F13B: variants seen among roughly 807,000 people sequenced by gnomAD.
F13B encodes the protein TGase.
F13B carries 58 observed loss-of-function variants against 79.8 expected under a neutral mutation model. The ratio of observed to expected loss-of-function variants is 0.73; its 90% confidence interval spans 0.59 to 0.90. The LOEUF (loss-of-function observed/expected upper bound fraction) is 0.90, where lower values mean the gene tolerates loss of function less well. F13B is among the 40% of genes least tolerant of loss of function. F13B has a pLI of 0.00. For synonymous variants in F13B, 283 were observed against 260.3 expected (o/e 1.09, Z -0.84); for missense variants, 773 against 777.0 (o/e 0.99, Z 0.06).
rs1571568186 is a variant in F13B at position 197,060,535 on chromosome 1, C to T, written c.636G>A (p.Lys212=). ...TTTCAATTAATCTTAAAGAAGAGCA[C>T]TTTAATTCTGCAAATAAAAGAATGA... ...WSLTPKCTKL[K]CSSLRLIENG... Residue 212 remains lysine, a synonymous_variant, in exon 5 of 12, where the codon AAG becomes AAA. Transcript: ENST00000367412. 1.3e-6 allele frequency: 2 copies of T among 1,578,020 alleles called. No homozygotes were observed. Among genetic ancestry groups the T allele is most frequent in the African/African-American group, 1.4e-5 (1 of 73,698 alleles).
chr1:197,063,665 A>C (rs1017771342), intron 1 of F13B, among the ~76,000 whole-genome samples: 1 of 152,176 alleles, frequency 6.6e-6, no homozygotes, highest in Non-Finnish European at 1.5e-5. Context: ...TATGTAATTT[A>C]AAAATTTCTA....
At chr1:197,046,180 G>A (rs1571553174) in intron 10 of F13B, among the ~76,000 whole-genome samples, 1 of 152,174 alleles carries the variant, frequency 6.6e-6, no homozygotes, top group East Asian at 1.9e-4. Flanking sequence ...TCTGTCAAGA[G>A]AAAGAAATAA....
At chr1:197,054,731 C>T (rs1376321114) in intron 8 of F13B, among the ~76,000 whole-genome samples, 2 of 151,766 alleles carry the variant, frequency 1.3e-5, no homozygotes, top group Non-Finnish European at 2.9e-5. Context: ...TGCTTGCCTG[C>T]TTAACAAAAA....
chr1:197,052,335 T>C (rs1655475334), intron 9 of F13B, among the ~76,000 whole-genome samples: 1 of 152,062 alleles, frequency 6.6e-6, no homozygotes, highest in South Asian at 2.1e-4. Flanking sequence ...GAATGTAAAT[T>C]AGTTCAACCA....
chr1:197,061,060 G>A lies in F13B; in HGVS notation c.467C>T (p.Pro156Leu). 6.5e-7 allele frequency: 1 copy of A among 1,539,946 alleles called. No individual in the cohort carries two copies. Among genetic ancestry groups the A allele is most frequent in the Non-Finnish European group, 8.9e-7 (1 of 1,125,694 alleles). The change falls in exon 4 of 12, where the codon CCT (proline) becomes CTT (leucine). Residue 156 changes from proline (P) to leucine (L), a missense_variant. Physicochemically the swap from Pro to Leu is moderately conservative, Grantham distance 98. Transcript: ENST00000367412. ...CRKEHETCLAPELYNGNYSTT... is the reference protein window; with the variant it reads ...CRKEHETCLALELYNGNYSTT... ...GGAATAATTTCCATTATATAATTCA[G>A]GAGCCAAACATGTTTCTAAAATTAT...
At chr1:197,065,439 A>C (rs1249932240) in intron 1 of F13B, among the ~76,000 whole-genome samples, 5 of 152,202 alleles carry the variant, frequency 3.3e-5, no homozygotes, top group Admixed American at 6.5e-5. Context: ...AGCGATGGAC[A>C]CACTTACTAC....
chr1:197,055,849 A>G lies in F13B; in HGVS notation c.1220T>C (p.Val407Ala). 2 of 1,613,618 alleles carry G rather than the reference A, an allele frequency of 1.2e-6. No homozygotes were observed. Among genetic ancestry groups the G allele is most frequent in the Non-Finnish European group, 1.7e-6 (2 of 1,179,738 alleles). The change falls in exon 8 of 12, where the codon GTT (valine) becomes GCT (alanine). Residue 407 changes from valine to alanine, a missense_variant. By Grantham distance (64) the Val-to-Ala change is moderately conservative. Coordinates refer to ENST00000367412, the MANE Select transcript of F13B (RefSeq NM_001994.3). ...ATAGCTTGCCAATATCCCGTCTGCA[A>G]CAGCCCCATTCATTACAACAGGAGG... Reference protein sequence around the residue: ...KHPPVVMNGAVADGILASYAT... With the variant: ...KHPPVVMNGAAADGILASYAT...
intron 10 of F13B, among the ~76,000 whole-genome samples, chr1:197,049,732 A>G (rs1301034031): frequency 6.6e-6 from 1 of 152,124 alleles, no homozygotes; most frequent in Non-Finnish European, 1.5e-5. Flanking sequence ...ATCAAACCAG[A>G]AAGGAAAATA....
chr1:197,050,693 A>G lies in F13B; in HGVS notation c.1738+4T>C. The G allele has an allele frequency of 6.2e-7, 1 of 1,612,594 alleles. No homozygotes were observed. The highest frequency in any genetic ancestry group is 1.7e-5 in the Admixed American group (1 of 59,840). On this transcript the variant is annotated splice_donor_region_variant and intron_variant, in intron 10 of 11. Coordinates refer to ENST00000367412, the MANE Select transcript of F13B (RefSeq NM_001994.3). ...TTGTTAGAGGCATATTTAGTAGTAC[A>G]TACCTAAACACAATGGTGGTGTAGT...
intron 1 of F13B, among the ~76,000 whole-genome samples, chr1:197,066,049 A>G (rs1193316205): frequency 1.3e-5 from 2 of 152,102 alleles, no homozygotes; most frequent in Non-Finnish European, 2.9e-5. Context: ...TTAGAAAATT[A>G]ACTAGAATAT....
Position 197,055,699 on chromosome 1 carries a change from G to T in F13B, c.1354+16C>A. On this transcript the variant is annotated intron_variant, in intron 8 of 11. Coordinates refer to ENST00000367412, the MANE Select transcript of F13B (RefSeq NM_001994.3). ...AAAAGTACAAACGTAGACATTCCAT[G>T]TGTTCTCTTTCTTACCCAAGCAAAC... 1 of 1,611,714 alleles carries T rather than the reference G, an allele frequency of 6.2e-7. No individual in the cohort carries two copies. Among genetic ancestry groups the T allele is most frequent in the South Asian group, 1.1e-5 (1 of 91,042 alleles).
intron 9 of F13B, 111 bp downstream of exon 9, chr1:197,052,523 A>G: frequency 1.4e-6 from 1 of 714,504 alleles, no homozygotes; most frequent in Non-Finnish European, 2.3e-6. Context: ...ATAAAACAAA[A>G]TTAAAAAGAA....
intron 10 of F13B, among the ~76,000 whole-genome samples, chr1:197,049,544 A>T (rs968007257): frequency 6.6e-6 from 1 of 152,084 alleles, no homozygotes; most frequent in Non-Finnish European, 1.5e-5. Flanking sequence ...AGAAATAATT[A>T]CCATTATTTG....
Position 197,040,531 on chromosome 1 carries a change from G to A in F13B, c.1943C>T (p.Pro648Leu). ...RGQLKYPRCI[P>L]RQSTLSYQEP... ...AAAAAAAACTTCTTACCTTTGTCTT[G>A]GAATACATCTTGGATATTTTAACTG... Residue 648 changes from proline (P) to leucine (L), a missense_variant, in exon 11 of 12, where the codon CCA (proline) becomes CTA (leucine). Pro to Leu is a moderately conservative substitution (Grantham distance 98, BLOSUM62 -3). Coordinates refer to ENST00000367412, the MANE Select transcript of F13B (RefSeq NM_001994.3). 6.2e-7 allele frequency: 1 copy of A among 1,606,410 alleles called. No homozygotes were observed. The highest frequency in any genetic ancestry group is 8.5e-7 in the Non-Finnish European group (1 of 1,175,406).
intron 10 of F13B, among the ~76,000 whole-genome samples, chr1:197,046,297 G>C (rs1162364681): frequency 6.6e-6 from 1 of 152,130 alleles, no homozygotes; most frequent in African/African-American, 2.4e-5. Context: ...TCCTTAAGCT[G>C]ATAAACAATT....
chr1:197,040,734 C>T lies in F13B; in HGVS notation c.1740G>A (p.Glu580=). 6 of 1,602,250 alleles carry T rather than the reference C, an allele frequency of 3.7e-6. No homozygotes were observed. Among genetic ancestry groups the T allele is most frequent in the Non-Finnish European group, 5.1e-6 (6 of 1,171,934 alleles). The change falls in exon 11 of 12, where the codon GAG becomes GAA. Residue 580 remains glutamate (E), a splice_region_variant and synonymous_variant. Coordinates refer to ENST00000367412, the MANE Select transcript of F13B (RefSeq NM_001994.3). The part of the protein sequence containing the change: ...GMWTTPPLCL[E]PCTLSFTEME... ...TTTCAGTAAAAGATAATGTGCATGG[C>T]TCTGGGAACAACAATTTAAAAAAAA... is the stretch of plus-strand genomic sequence containing the variant.
Position 197,064,293 on chromosome 1 carries a change from T to TA in F13B, c.65-1237dup, listed in dbSNP as rs553959856. Among the ~76,000 whole-genome samples the TA allele has an allele frequency of 9.2e-5, 14 of 151,960 alleles. No individual in the cohort carries two copies. In the East Asian group the frequency reaches 1.9e-3, roughly 21 times the overall value. ...AACATGTACAAACCATATTACCCAA[T>TA]AAAAAAAGCACATATTTGTATACCA... On this transcript the variant is annotated intron_variant, in intron 1 of 11. Transcript: ENST00000367412.
At chr1:197,040,804 C>G (rs1204961543) in intron 10 of F13B, 69 bp from the exon 11 acceptor site, 3 of 1,340,676 alleles carry the variant, frequency 2.2e-6, no homozygotes, top group African/African-American at 2.9e-5. Flanking sequence ...TTGGTAAGAA[C>G]AGGAATCGTT....
chr1:197,061,736 T>C, intron 3 of F13B, 48 bp downstream of exon 3: 3 of 1,462,440 alleles, frequency 2.1e-6, no homozygotes. Flanking sequence ...ATATTCAATA[T>C]AAGCTTGATA....
Sources: allele counts gnomAD v4.1 joint callset (sites outside exome capture counted in the v4.1 genomes callset), GRCh38; gene constraint gnomAD v4.1.1; transcripts MANE v1.5; gene names NCBI Gene and HGNC (gene_info 2026-07-23, HGNC 2026-07-21).